TMEM68: variants seen among roughly 807,000 people sequenced by gnomAD.
The protein encoded by TMEM68 is transmembrane protein 68, also known as DGAT1/2-independent enzyme synthesizing storage lipids.
TMEM68 carries 25 observed loss-of-function variants against 36.9 expected under a neutral mutation model. The observed-to-expected ratio is 0.68, with a 90% confidence interval of 0.49 to 0.95. The LOEUF is 0.95. Ranked by LOEUF, TMEM68 falls within the 40% of genes least tolerant of loss-of-function variation. The pLI, the probability that TMEM68 is intolerant of heterozygous loss-of-function variation, is 0.00. For synonymous variants in TMEM68, 131 were observed against 124.4 expected (o/e 1.05, Z -0.35); for missense variants, 333 against 392.0 (o/e 0.85, Z 1.27).
intron 3 of TMEM68, chr8:55,762,287 T>G (rs1810818179): frequency 3.5e-6 from 1 of 284,320 alleles, no homozygotes; most frequent in Non-Finnish European, 6.4e-6. Context: ...AAACTTATTT[T>G]GAACAGAAGT....
chr8:55,745,363 T>A (rs1373519792), intron 5 of TMEM68: 2 of 247,412 alleles, frequency 8.1e-6, no homozygotes, highest in Non-Finnish European at 1.5e-5. Flanking sequence ...CGTGAGGGGA[T>A]CACAAAGTGA....
At chr8:55,745,187 T>C in intron 5 of TMEM68, 66 bp from the exon 6 acceptor site, 1 of 1,097,278 alleles carries the variant, frequency 9.1e-7, no homozygotes, top group Non-Finnish European at 1.2e-6. Context: ...TCCATTAGAG[T>C]AACTAATGCA....
At chr8:55,760,157 G>A (rs1272165369) in intron 3 of TMEM68, among the ~76,000 whole-genome samples, 2 of 152,246 alleles carry the variant, frequency 1.3e-5, no homozygotes, top group Non-Finnish European at 2.9e-5. Flanking sequence ...TTACAGCAAC[G>A]CTGTGCTGTT....
chr8:55,742,654 C>A (rs1475868550), intron 7 of TMEM68, among the ~76,000 whole-genome samples: 6 of 152,088 alleles, frequency 3.9e-5, no homozygotes, highest in Admixed American at 3.9e-4. Flanking sequence ...ATCCTCCTAC[C>A]TCAGCCTCCC....
chr8:55,759,266 A>G (rs1810706055), intron 3 of TMEM68, among the ~76,000 whole-genome samples: 2 of 151,660 alleles, frequency 1.3e-5, no homozygotes, highest in African/African-American at 2.4e-5. Flanking sequence ...ACAAAAAAAA[A>G]AAAAAAAAAT....
At chr8:55,771,495 T>C (rs1448100941) in intron 1 of TMEM68, among the ~76,000 whole-genome samples, 3 of 151,880 alleles carry the variant, frequency 2.0e-5, no homozygotes, top group Admixed American at 1.3e-4. Flanking sequence ...GGCATGCCTG[T>C]AGCCCCAGCT....
At position 55,762,837 on chromosome 8, in the gene TMEM68, T is replaced by G. The variant is rs143958631; in HGVS notation, c.123A>C (p.Ala41=). The G allele has an allele frequency of 3.7e-6, 6 of 1,614,044 alleles. No homozygotes were observed. Among genetic ancestry groups the G allele is most frequent in the Admixed American group, 3.3e-5 (2 of 60,000 alleles). ...VEQLEDYLNF[A]NYLLWVFTPL... The stretch of plus-strand genomic sequence containing the variant: ...GTGTAAAAACCCACAAGAGATAGTT[T>G]GCAAAATTCAAATAGTCCTCCAACT... The change falls in exon 3 of 8, where the codon GCA becomes GCC. Residue 41 remains alanine, a synonymous_variant. Coordinates refer to ENST00000434581, the MANE Select transcript of TMEM68 (RefSeq NM_001286657.2).
intron 5 of TMEM68, chr8:55,746,721 A>G (rs1219547434): frequency 6.6e-6 from 1 of 152,216 alleles, no homozygotes; most frequent in African/African-American, 2.4e-5. Flanking sequence ...AGTAAAATAC[A>G]GTGGACTAAA....
At chr8:55,742,878 C>A (rs868420385) in intron 7 of TMEM68, among the ~76,000 whole-genome samples, 1 of 145,764 alleles carries the variant, frequency 6.9e-6, no homozygotes, top group African/African-American at 2.5e-5. Context: ...TCCTCTTTAT[C>A]CTCCTTCATC....
At chr8:55,743,764 A>G in intron 6 of TMEM68, 144 bp from the exon 7 acceptor site, 1 of 686,564 alleles carries the variant, frequency 1.5e-6, no homozygotes, top group Non-Finnish European at 2.3e-6. Flanking sequence ...TTTTAAAAAG[A>G]AGAGCTTTTC....
intron 3 of TMEM68, among the ~76,000 whole-genome samples, chr8:55,758,124 G>A (rs535703470): frequency 2.0e-5 from 3 of 152,222 alleles, no homozygotes; most frequent in East Asian, 1.9e-4. Flanking sequence ...AGGCATACAG[G>A]ACTGAAGGTG....
In TMEM68 at chr8:55,748,664, T is replaced by G. The variant is rs112749978; in HGVS notation, c.687+2300A>C. 7.4e-3 allele frequency among the ~76,000 whole-genome samples: 1,125 copies of G among 152,136 alleles called. 15 individuals are homozygous for G. The highest frequency in any genetic ancestry group is 0.026 in the African/African-American group (1,078 of 41,510). On this transcript the variant is annotated intron_variant, in intron 5 of 7. Transcript: ENST00000434581. ...TACTGTCGCCCAAGCTGGAACACAA[T>G]GGTGCGATCTCGGCTCACTGCAACC... is the stretch of plus-strand genomic sequence containing the variant.
At chr8:55,766,836 C>T (rs1390838446) in intron 1 of TMEM68, among the ~76,000 whole-genome samples, 1 of 152,138 alleles carries the variant, frequency 6.6e-6, no homozygotes, top group Non-Finnish European at 1.5e-5. Context: ...AAGTGGCTTA[C>T]ATACATGTGG....
chr8:55,746,697 A>G (rs964939130), intron 5 of TMEM68: 1 of 152,212 alleles, frequency 6.6e-6, no homozygotes, highest in Admixed American at 6.6e-5. Flanking sequence ...TATTCCTACT[A>G]AGCTTTGGAA....
At chr8:55,760,060 C>A (rs1810735353) in intron 3 of TMEM68, among the ~76,000 whole-genome samples, 1 of 152,234 alleles carries the variant, frequency 6.6e-6, no homozygotes, top group Non-Finnish European at 1.5e-5. Flanking sequence ...AGCCTCAGTT[C>A]CAGGCTGGCT....
At chr8:55,756,756 T>A (rs1265048185) in intron 3 of TMEM68, among the ~76,000 whole-genome samples, 1 of 151,152 alleles carries the variant, frequency 6.6e-6, no homozygotes, top group Non-Finnish European at 1.5e-5. Context: ...CTATCACAGG[T>A]TGGGGGGCTG....
chr8:55,772,638 T>G (rs529155593), intron 1 of TMEM68, among the ~76,000 whole-genome samples: 22 of 152,224 alleles, frequency 1.4e-4, no homozygotes, highest in African/African-American at 5.3e-4. Flanking sequence ...GTAATATACA[T>G]CATTTCGTTT....
At chr8:55,763,141 G>A (rs2130012284) in intron 2 of TMEM68, 113 bp from the exon 3 acceptor site, 2 of 518,208 alleles carry the variant, frequency 3.9e-6, no homozygotes, top group East Asian at 3.3e-5. Context: ...TGAGTAGATG[G>A]TTAATGGTTA....
chr8:55,772,683 TAATC>T (rs1453360375), intron 1 of TMEM68, among the ~76,000 whole-genome samples: 2 of 152,222 alleles, frequency 1.3e-5, no homozygotes, highest in Admixed American at 6.5e-5. Flanking sequence ...TAGTTACTAT[TAATC>T]AACCCCATTT....
Sources: gnomAD v4.1 joint callset for allele counts (sites outside exome capture counted in the v4.1 genomes callset) on GRCh38, gnomAD v4.1.1 for gene constraint, MANE v1.5 for transcripts, NCBI Gene and HGNC (gene_info 2026-07-23, HGNC 2026-07-21) for gene names.